The following MATN4 variants were observed in gnomAD, a reference collection of about 807,000 sequenced individuals.
MATN4 encodes the protein matrilin 4, also known as matrilin-4.
MATN4 carries 40 observed loss-of-function variants against 54.6 expected under a neutral mutation model. That is an observed-to-expected ratio of 0.73 (90% CI 0.57 to 0.95). The LOEUF (loss-of-function observed/expected upper bound fraction) is 0.95, where lower values mean the gene tolerates loss of function less well. MATN4 is among the 40% of genes least tolerant of loss of function. The pLI is 0.00. For synonymous variants in MATN4, 351 were observed against 345.3 expected, an observed-to-expected ratio of 1.02 and a Z score of -0.18; for missense variants, 810 against 819.1, an observed-to-expected ratio of 0.99 and a Z score of 0.13.
Position 45,305,463 on chromosome 20 carries a change from G to A in MATN4, c.73+47C>T, listed in dbSNP as rs78220140. 1,738 of 1,462,206 alleles carry A rather than the reference G, an allele frequency of 1.2e-3. 10 individuals carry two copies. The African/African-American group carries it at 0.021, about 18-fold the overall frequency. 90.6% of individuals were successfully genotyped at this position (1,462,206 alleles called of 1,614,324 possible). A position where few individuals can be genotyped will look rare whatever the true frequency, so the allele number is the denominator to read the frequency against. ...GGAGCTGGCTGCAGAGGGAGGACCT[G>A]CTTCCGCTCCCCTCCTCCCACTGGT... On this transcript the variant is annotated intron_variant, in intron 2 of 9. Coordinates refer to ENST00000372756, the MANE Select transcript of MATN4 (RefSeq NM_001393530.1).
At chr20:45,303,254 C>T (rs531657550) in intron 3 of MATN4, 1 of 585,936 alleles carries the variant, frequency 1.7e-6, no homozygotes, top group South Asian at 2.1e-5. Flanking sequence ...ACCTTTCTTT[C>T]TTAGGCCTGT....
At chr20:45,296,129 C>T (rs370473982) in intron 8 of MATN4, among the ~76,000 whole-genome samples, 226 of 146,896 alleles carry the variant, frequency 1.5e-3, no homozygotes, top group African/African-American at 5.3e-3. Context: ...GCAGGAGAAT[C>T]GCTTGAACCT....
Position 45,298,694 on chromosome 20 carries a change from C to T in MATN4, c.1013-111G>A. On this transcript the variant is annotated intron_variant, in intron 6 of 9. Coordinates refer to ENST00000372756, the MANE Select transcript of MATN4 (RefSeq NM_001393530.1). This position sits in a 1 kb window ranked among gnomAD's most constrained non-coding sequence, Gnocchi z 4.6. ...ATTTATTATATAACAGACAACATTT[C>T]CTGAGTCCTTCCTGTGCCAGGCAGT... 1 of 820,394 alleles carries T rather than the reference C, an allele frequency of 1.2e-6. No individual in the cohort carries two copies. The highest frequency in any genetic ancestry group is 1.9e-6 in the Non-Finnish European group (1 of 539,842). The allele number at this position is 820,394 out of a possible 1,614,324, so 50.8% of individuals were successfully genotyped here. A position where few individuals can be genotyped will look rare whatever the true frequency, so the allele number is the denominator to read the frequency against.
chr20:45,294,994 C>T (rs772213330), intron 8 of MATN4, among the ~76,000 whole-genome samples: 1 of 152,192 alleles, frequency 6.6e-6, no homozygotes. Flanking sequence ...CTGTCACTGT[C>T]TCCCATCACC....
At chr20:45,301,261 G>T (rs781699419) in intron 4 of MATN4, 37 bp from the exon 5 acceptor site, 11 of 1,529,836 alleles carry the variant, frequency 7.2e-6, no homozygotes, top group Non-Finnish European at 8.9e-6. Flanking sequence ...TGTTGCCTCT[G>T]ATTGGAGCCC....
At chr20:45,297,287 T>C (rs558204177) in intron 8 of MATN4, among the ~76,000 whole-genome samples, 41 of 152,110 alleles carry the variant, frequency 2.7e-4, no homozygotes, top group Non-Finnish European at 5.7e-4. Context: ...AAAGTTACCC[T>C]GGAGACATTC....
At position 45,304,726 on chromosome 20, in the gene MATN4, C is replaced by G. The variant is rs141367880; in HGVS notation, c.145G>C (p.Glu49Gln). Residue 49 changes from glutamate to glutamine, a missense_variant, in exon 3 of 10, where the codon GAG (glutamate) becomes CAG (glutamine). Physicochemically the swap from Glu to Gln is conservative, Grantham distance 29. Transcript: ENST00000372756. The part of the protein sequence containing the change: ...IDSSRSVRPF[E>Q]FETMRQFLMG... ...AGGAACTGCCGCATGGTCTCGAACT[C>G]GAAAGGGCGCACGCTGCGGGAGCTG... 87 of 1,611,062 alleles carry G rather than the reference C, an allele frequency of 5.4e-5. No homozygotes were observed. Among genetic ancestry groups the G allele is most frequent in the African/African-American group, 4.7e-4 (35 of 75,012 alleles).
chr20:45,306,863 A>G, intron 1 of MATN4: 1 of 1,213,312 alleles, frequency 8.2e-7, no homozygotes, highest in Non-Finnish European at 1.0e-6. Context: ...TTCCAGCGAC[A>G]GCAGCACTGG....
intron 1 of MATN4, 98 bp downstream of exon 1, chr20:45,308,077 C>A (rs1986891243): frequency 2.6e-6 from 3 of 1,134,310 alleles, no homozygotes; most frequent in Non-Finnish European, 2.6e-6. Context: ...TCAGATAGGG[C>A]ACCCTAGGCA....
rs1300235517 is a variant in MATN4, at chr20:45,298,013, A to G, written c.1484T>C (p.Ile495Thr). ...GTGCAGTTCCGCTGGCTCCGAGGCG[A>G]TCTCGCGCAGCTCCGCCTCCACCGC... ...GKAVEAELREIASEPAELHVS... is the reference protein window; with the variant it reads ...GKAVEAELRETASEPAELHVS... The change falls in exon 8 of 10, where the codon ATC becomes ACC. Residue 495 changes from isoleucine (I) to threonine (T), a missense_variant. Physicochemically the swap from Ile to Thr is moderately conservative, Grantham distance 89. Transcript: ENST00000372756. This position sits in a 1 kb window ranked among gnomAD's most constrained non-coding sequence, Gnocchi z 4.6. The G allele has an allele frequency of 6.2e-7, 1 of 1,613,952 alleles. No individual in the cohort carries two copies.
In MATN4 at chr20:45,298,584, C is replaced by A; in HGVS notation, c.1013-1G>T. On this transcript the variant is annotated splice_acceptor_variant, in intron 6 of 9. Coordinates refer to ENST00000372756, the MANE Select transcript of MATN4 (RefSeq NM_001393530.1). LOFTEE classifies it high-confidence loss of function. The surrounding 1 kb of genome is among the most constrained non-coding windows in gnomAD (Gnocchi z 4.6). The stretch of plus-strand genomic sequence containing the variant: ...AGGTCCACGTGGCCTTCCCGGCACC[C>A]TGCACAGCCAGAAAAGCTTGAATTG... 1 of 1,532,396 alleles carries A rather than the reference C, an allele frequency of 6.5e-7. No homozygotes were observed. Among genetic ancestry groups the A allele is most frequent in the Non-Finnish European group, 8.8e-7 (1 of 1,137,316 alleles). 94.9% of individuals were successfully genotyped at this position (1,532,396 alleles called of 1,614,324 possible). A position where few individuals can be genotyped will look rare whatever the true frequency, so the allele number is the denominator to read the frequency against.
chr20:45,297,249 TG>T (rs1985898727), intron 8 of MATN4, among the ~76,000 whole-genome samples: 1 of 152,084 alleles, frequency 6.6e-6, no homozygotes, highest in African/African-American at 2.4e-5. Flanking sequence ...ATCTTAAGCC[TG>T]GGCTAGTGTC....
rs886837895 is a variant in MATN4, at chr20:45,305,559, G to C, written c.24C>G (p.Pro8=). Residue 8 remains proline (P), a synonymous_variant, in exon 2 of 10, where the codon CCC becomes CCG. Transcript: ENST00000372756. ...AGGGCTGAAGAAGGAGCAGCAACAC[G>C]GGCCAGCAAAGAAGGCCTCTCATGG... MRGLLCW[P]VLLLLLQPWE... The C allele has an allele frequency of 5.8e-6, 9 of 1,560,534 alleles. No individual in the cohort carries two copies. The highest frequency in any genetic ancestry group is 1.9e-5 in the Admixed American group (1 of 52,076).
chr20:45,308,148 T>G, intron 1 of MATN4, 27 bp downstream of exon 1: 1 of 1,612,622 alleles, frequency 6.2e-7, no homozygotes, highest in Non-Finnish European at 8.5e-7. Flanking sequence ...TGCAGACCCC[T>G]CAGTGCCTCC....
intron 8 of MATN4, among the ~76,000 whole-genome samples, chr20:45,294,777 C>T (rs1439163005): frequency 6.6e-6 from 1 of 152,174 alleles, no homozygotes; most frequent in Non-Finnish European, 1.5e-5. Context: ...GGAACTGGGC[C>T]ACACAGCAGG....
At position 45,304,430 on chromosome 20, in the gene MATN4, G is replaced by T; in HGVS notation, c.441C>A (p.Asp147Glu). Residue 147 changes from aspartate (D) to glutamate (E), a missense_variant, in exon 3 of 10, where the codon GAC becomes GAA. Transcript: ENST00000372756. ...RVPRVAVIVTDGRPQDRVAEV... is the reference protein window; with the variant it reads ...RVPRVAVIVTEGRPQDRVAEV... ...CGGCCACGCGGTCCTGGGGCCGCCC[G>T]TCTGTCACGATGACAGCGACACGCG... is the stretch of plus-strand genomic sequence containing the variant. The T allele has an allele frequency of 6.5e-7, 1 of 1,535,590 alleles. No individual in the cohort carries two copies.
chr20:45,301,475 G>A (rs1986230415), intron 3 of MATN4, 32 bp from the exon 4 acceptor site: 1 of 1,604,934 alleles, frequency 6.2e-7, no homozygotes, highest in Admixed American at 1.7e-5. Context: ...TCTATGCCCA[G>A]GACTGCCCTT....
chr20:45,294,269 C>CGTGTGT (rs71181819), intron 8 of MATN4, among the ~76,000 whole-genome samples: 4,927 of 151,518 alleles, frequency 0.033, 205 homozygotes, highest in African/African-American at 0.092. Context: ...CACCTGTGTA[C>CGTGTGT]GTGTGTGTGT....
chr20:45,299,815 T>C (rs915862933), intron 6 of MATN4, among the ~76,000 whole-genome samples: 2 of 146,498 alleles, frequency 1.4e-5, no homozygotes. Context: ...GAGGCAGAGG[T>C]TGCAGTGAGC....
Sources: allele counts gnomAD v4.1 joint callset (sites outside exome capture counted in the v4.1 genomes callset), GRCh38; gene constraint gnomAD v4.1.1; non-coding constraint Gnocchi (gnomAD v3.1); transcripts MANE v1.5; gene names NCBI Gene and HGNC (gene_info 2026-07-23, HGNC 2026-07-21).